The following RASAL2 variants were observed in gnomAD, a reference collection of about 807,000 sequenced individuals.
RASAL2 encodes ras GTPase-activating protein nGAP.
A neutral mutation model predicts 128.9 loss-of-function variants in RASAL2; 58 were observed. That is an observed-to-expected ratio of 0.45 (90% CI 0.36 to 0.56). The LOEUF is 0.56. Among genes scored for constraint, RASAL2 ranks in the 20% least tolerant of loss-of-function variants. The probability of loss-of-function intolerance (pLI) is 0.00; values close to 1 mark genes in which losing one functional copy is unlikely to be tolerated. For missense variants in RASAL2, 1,360 were observed against 1,601.6 expected, an observed-to-expected ratio of 0.85 and a Z score of 2.57; for synonymous variants, 561 against 580.8, an observed-to-expected ratio of 0.97 and a Z score of 0.49.
At chr1:178,297,332 T>A (rs1450245802) in intron 2 of RASAL2, among the ~76,000 whole-genome samples, 1 of 152,020 alleles carries the variant, frequency 6.6e-6, no homozygotes, top group Non-Finnish European at 1.5e-5. Context: ...ATCTGTAGTG[T>A]GGCTCATACC....
At chr1:178,310,626 G>A (rs1043821350) in intron 3 of RASAL2, among the ~76,000 whole-genome samples, 5 of 152,094 alleles carry the variant, frequency 3.3e-5, no homozygotes, top group Non-Finnish European at 5.9e-5. Flanking sequence ...AAGTTGAGGT[G>A]CGAGACCACA....
chr1:178,271,630 T>G (rs1319756275), intron 1 of RASAL2, among the ~76,000 whole-genome samples: 1 of 152,238 alleles, frequency 6.6e-6, no homozygotes, highest in Non-Finnish European at 1.5e-5. Context: ...TTTCTCAGCT[T>G]CTTCCTCAAA....
Position 178,473,947 on chromosome 1 carries a change from T to G in RASAL2, c.*708T>G, listed in dbSNP as rs992930771. The G allele has an allele frequency of 6.6e-6, 1 of 152,362 alleles. No individual in the cohort carries two copies. Among genetic ancestry groups the G allele is most frequent in the African/African-American group, 2.4e-5 (1 of 41,472 alleles). The allele number at this position is 152,362 out of a possible 1,614,324, so 9.4% of individuals were successfully genotyped here. Reference sequence around the variant, plus strand: ...TCTATTGAACTCCTGTCAATATGTTTATTTCCTCTGTCTACAGCAGATGGG... The same window carrying G: ...TCTATTGAACTCCTGTCAATATGTTGATTTCCTCTGTCTACAGCAGATGGG... On this transcript the variant is annotated 3_prime_UTR_variant, in exon 18 of 18. Transcript: ENST00000367649.
chr1:178,364,701 A>G (rs1028898892), intron 3 of RASAL2, among the ~76,000 whole-genome samples: 2 of 152,204 alleles, frequency 1.3e-5, no homozygotes, highest in African/African-American at 4.8e-5. Context: ...TCTACTCAAT[A>G]AATATTAGGT....
At chr1:178,352,381 G>A (rs1224985857) in intron 3 of RASAL2, among the ~76,000 whole-genome samples, 1 of 152,162 alleles carries the variant, frequency 6.6e-6, no homozygotes, top group Non-Finnish European at 1.5e-5. Flanking sequence ...AAATCTTAAG[G>A]CTCCAAAATA....
chr1:178,130,724 A>T (rs1283297623), intron 1 of RASAL2, among the ~76,000 whole-genome samples: 2 of 152,096 alleles, frequency 1.3e-5, no homozygotes, highest in East Asian at 1.9e-4. Context: ...GTAATCAAAT[A>T]TTAATCTTGG....
chr1:178,123,085 T>C (rs1456508719), intron 1 of RASAL2: 1 of 152,188 alleles, frequency 6.6e-6, no homozygotes, highest in Non-Finnish European at 1.5e-5. Flanking sequence ...CCTGGAATGC[T>C]TGTTAAAAAT....
At chr1:178,143,940 T>C (rs1299658277) in intron 1 of RASAL2, among the ~76,000 whole-genome samples, 3 of 152,200 alleles carry the variant, frequency 2.0e-5, no homozygotes, top group African/African-American at 7.2e-5. Context: ...GGTTATGTCA[T>C]AAGTGTTATA....
intron 1 of RASAL2, among the ~76,000 whole-genome samples, chr1:178,214,301 A>G (rs1259086241): frequency 2.0e-5 from 3 of 151,976 alleles, no homozygotes; most frequent in Admixed American, 6.6e-5. Context: ...GAATGGATGA[A>G]TAAATAAATA....
chr1:178,342,606 G>C (rs369156644), intron 3 of RASAL2, among the ~76,000 whole-genome samples: 3 of 152,226 alleles, frequency 2.0e-5, no homozygotes, highest in African/African-American at 7.2e-5. Flanking sequence ...AGGAAAATTA[G>C]TTTGTACGCT....
intron 3 of RASAL2, among the ~76,000 whole-genome samples, chr1:178,333,442 T>A (rs1669438548): frequency 6.6e-6 from 1 of 152,232 alleles, no homozygotes; most frequent in South Asian, 2.1e-4. Context: ...TTTGTCAATA[T>A]GACATTTTAA....
intron 3 of RASAL2, among the ~76,000 whole-genome samples, chr1:178,362,564 C>T (rs1465259995): frequency 6.6e-6 from 1 of 150,950 alleles, no homozygotes; most frequent in East Asian, 2.0e-4. Flanking sequence ...AACCATAGTC[C>T]TCATGTTGTA....
chr1:178,358,361 A>T (rs1472104468), intron 3 of RASAL2, among the ~76,000 whole-genome samples: 1 of 150,250 alleles, frequency 6.7e-6, no homozygotes, highest in Non-Finnish European at 1.5e-5. Context: ...ATAGACTTTA[A>T]GTAAAGAAGG....
At chr1:178,186,962 T>TACA (rs1558103144) in intron 1 of RASAL2, among the ~76,000 whole-genome samples, 1 of 152,072 alleles carries the variant, frequency 6.6e-6, no homozygotes, top group Non-Finnish European at 1.5e-5. Context: ...TAGTTAGGAC[T>TACA]ACAAGCATGT....
chr1:178,236,756 CTTT>C lies in RASAL2; in HGVS notation c.203-46785_203-46783del, dbSNP rs549848632. The stretch of plus-strand genomic sequence containing the variant: ...CTGTGATATTTTATATTGGACACTA[CTTT>C]TTTTTTTTTTTTTTTTTTTTTTGAA... On this transcript the variant is annotated intron_variant, in intron 1 of 17. Coordinates refer to ENST00000367649, the MANE Select transcript of RASAL2 (RefSeq NM_170692.4). Among the ~76,000 whole-genome samples the C allele has an allele frequency of 3.4e-3, 404 of 118,394 alleles. 1 individual carries two copies. Among genetic ancestry groups the C allele is most frequent in the African/African-American group, 0.012 (364 of 29,872 alleles). The allele number at this position is 118,394 out of a possible 152,430, so 77.7% of individuals were successfully genotyped here. A position where few individuals can be genotyped will look rare whatever the true frequency, so the allele number is the denominator to read the frequency against.
intron 1 of RASAL2, among the ~76,000 whole-genome samples, chr1:178,162,404 T>TTA (rs1224915065): frequency 0.062 from 7,326 of 117,998 alleles, 281 homozygotes; most frequent in Middle Eastern, 0.086. Context: ...ATTATATATT[T>TTA]TATATATTAT....
rs1010367785 is a variant in RASAL2 at position 178,286,079 on chromosome 1, A to G, written c.330+2388A>G. Among the ~76,000 whole-genome samples the G allele has an allele frequency of 3.9e-5, 6 of 152,170 alleles. No homozygotes were observed. In the Middle Eastern group the frequency reaches 0.01, roughly 259 times the overall value. On this transcript the variant is annotated intron_variant, in intron 2 of 17. Coordinates refer to ENST00000367649, the MANE Select transcript of RASAL2 (RefSeq NM_170692.4). ...CCACCACGCTGTATGTACTCTCCCT[A>G]TGGCTCTGTGTATTCTCTTTTCTGA...
chr1:178,150,683 T>G (rs1273793743), intron 1 of RASAL2, among the ~76,000 whole-genome samples: 1 of 151,944 alleles, frequency 6.6e-6, no homozygotes, highest in Non-Finnish European at 1.5e-5. Context: ...TCATTATTCA[T>G]CATTATTCAT....
chr1:178,170,343 G>A (rs1661665222), intron 1 of RASAL2, among the ~76,000 whole-genome samples: 1 of 151,716 alleles, frequency 6.6e-6, no homozygotes, highest in African/African-American at 2.4e-5. Flanking sequence ...GAGGAAGTAT[G>A]TAAAGATATA....
Sources: allele counts gnomAD v4.1 joint callset (sites outside exome capture counted in the v4.1 genomes callset), GRCh38; gene constraint gnomAD v4.1.1; transcripts MANE v1.5; gene names NCBI Gene and HGNC (gene_info 2026-07-23, HGNC 2026-07-21).